PM20D1: variants seen among roughly 807,000 people sequenced by gnomAD.
The protein encoded by PM20D1 is N-fatty-acyl-amino acid synthase/hydrolase PM20D1.
Under a neutral mutation model 53.8 loss-of-function variants are expected in PM20D1, and 53 were observed. That is an observed-to-expected ratio of 0.98 (90% CI 0.79 to 1.24). The LOEUF (loss-of-function observed/expected upper bound fraction) is 1.24, where lower values mean the gene tolerates loss of function less well. Ranked by LOEUF, PM20D1 falls within the 50% of genes most tolerant of loss-of-function variation. The pLI is 0.00. For missense variants in PM20D1, 564 were observed against 616.8 expected, an observed-to-expected ratio of 0.91 and a Z score of 0.91; for synonymous variants, 239 against 241.3, an observed-to-expected ratio of 0.99 and a Z score of 0.09.
At position 205,832,646 on chromosome 1, in the gene PM20D1, G is replaced by A. The variant is rs1052964631; in HGVS notation, c.1237C>T (p.Arg413Cys). The change falls in exon 11 of 13, where the codon CGC becomes TGC. Residue 413 changes from arginine to cysteine, a missense_variant. Coordinates refer to ENST00000367136, the MANE Select transcript of PM20D1 (RefSeq NM_152491.5). Reference sequence around the variant, plus strand: ...GGGAAGACGGACTGTACGGTCTGGCGGAGCAGCTGGTAGCCCAAGGCCTTG... The same window carrying A: ...GGGAAGACGGACTGTACGGTCTGGCAGAGCAGCTGGTAGCCCAAGGCCTTG... ...DDKALGYQLL[R>C]QTVQSVFPEV... 7.4e-6 allele frequency: 12 copies of A among 1,614,036 alleles called. No homozygotes were observed. Among genetic ancestry groups the A allele is most frequent in the African/African-American group, 2.7e-5 (2 of 74,922 alleles).
At position 205,842,160 on chromosome 1, in the gene PM20D1, A is replaced by G. The variant is rs946461606; in HGVS notation, c.959T>C (p.Ile320Thr). Residue 320 changes from isoleucine to threonine, a missense_variant, in exon 8 of 13, where the codon ATA becomes ACA. By Grantham distance (89) the Ile-to-Thr change is moderately conservative. Coordinates refer to ENST00000367136, the MANE Select transcript of PM20D1 (RefSeq NM_152491.5). ...LSNPWLFEPL[I>T]SRFMERNPLT... ...AGGAAAGATAATACTTTACCTGCTT[A>G]TAAGTGGTTCAAATAGCCATGGGTT... 6.2e-7 allele frequency: 1 copy of G among 1,610,824 alleles called. No individual in the cohort carries two copies. Among genetic ancestry groups the G allele is most frequent in the Non-Finnish European group, 8.5e-7 (1 of 1,177,000 alleles).
chr1:205,845,256 G>A (rs925754554), intron 3 of PM20D1, 69 bp downstream of exon 3: 2 of 1,476,144 alleles, frequency 1.4e-6, no homozygotes, highest in South Asian at 2.3e-5. Flanking sequence ...ACCTCCCAGG[G>A]TCAGCCAAGC....
At chr1:205,830,618 A>C (rs116127536) in intron 11 of PM20D1, among the ~76,000 whole-genome samples, 1,643 of 150,588 alleles carry the variant, frequency 0.011, 31 homozygotes, top group African/African-American at 0.037. Flanking sequence ...GGGATGTCTC[A>C]CCAATGCCCT....
At chr1:205,835,651 CAAAAAAAAAAAAA>C (rs59126866) in intron 10 of PM20D1, among the ~76,000 whole-genome samples, 3 of 55,566 alleles carry the variant, frequency 5.4e-5, no homozygotes, top group Non-Finnish European at 8.9e-5. Flanking sequence ...GACTCCGACT[CAAAAAAAAAAAAA>C]AAAAAAAAAA....
intron 10 of PM20D1, among the ~76,000 whole-genome samples, chr1:205,835,839 G>A (rs560498882): frequency 6.6e-6 from 1 of 152,102 alleles, no homozygotes; most frequent in South Asian, 2.1e-4. Context: ...CCTCAAAGGT[G>A]ACTTTAGAGC....
intron 11 of PM20D1, 87 bp from the exon 12 acceptor site, chr1:205,830,466 A>T: frequency 1.1e-6 from 1 of 890,998 alleles, no homozygotes; most frequent in Non-Finnish European, 1.9e-6. Flanking sequence ...CTGGAAAATC[A>T]GGACTACTGG....
intron 10 of PM20D1, among the ~76,000 whole-genome samples, chr1:205,838,018 C>T (rs1656720881): frequency 6.6e-6 from 1 of 152,066 alleles, no homozygotes; most frequent in Non-Finnish European, 1.5e-5. Context: ...CCCCTCAATG[C>T]TGGGTGGCTC....
At chr1:205,847,006 C>CTTTT (rs778538865) in intron 2 of PM20D1, among the ~76,000 whole-genome samples, 35 of 44,666 alleles carry the variant, frequency 7.8e-4, no homozygotes, top group East Asian at 3.1e-3. Flanking sequence ...TCCTTCCTTT[C>CTTTT]TTTTTTTTTT....
At chr1:205,840,198 G>A in intron 10 of PM20D1, 54 bp downstream of exon 10, 3 of 1,532,678 alleles carry the variant, frequency 2.0e-6, no homozygotes, top group Non-Finnish European at 2.7e-6. Context: ...GGGCCCTGAG[G>A]GCCACATCTC....
Position 205,838,490 on chromosome 1 carries a change from G to A in PM20D1, c.1116+1762C>T, listed in dbSNP as rs543474995. Among the ~76,000 whole-genome samples the A allele has an allele frequency of 6.6e-5, 10 of 152,192 alleles. No homozygotes were observed. The South Asian group carries it at 1.5e-3, about 22-fold the overall frequency. On this transcript the variant is annotated intron_variant, in intron 10 of 12. Coordinates refer to ENST00000367136, the MANE Select transcript of PM20D1 (RefSeq NM_152491.5). ...GTTCCTCTTCATTATAGCACTCATC[G>A]TGGTTTGCAATTATACATTCATTTT... is the stretch of plus-strand genomic sequence containing the variant.
At chr1:205,831,720 C>T (rs1214782273) in intron 11 of PM20D1, among the ~76,000 whole-genome samples, 3 of 151,942 alleles carry the variant, frequency 2.0e-5, no homozygotes, top group Non-Finnish European at 2.9e-5. Context: ...TGAGCTACCA[C>T]GCCCAGCTAA....
At position 205,849,918 on chromosome 1, in the gene PM20D1, T is replaced by TAG. The variant is rs746756892; in HGVS notation, c.154_155insCT (p.Lys52ThrfsTer5). 41 of 1,612,722 alleles carry TAG rather than the reference T, an allele frequency of 2.5e-5. No homozygotes were observed. In the African/African-American group the frequency reaches 3.6e-4, roughly 14 times the overall value. Reference sequence around the variant, plus strand: ...CCCGGGTTCACCTTTCAGCGCCTCTTTCATCGCGACGCGTTCCTCTTTGCT... The same window carrying TAG: ...CCCGGGTTCACCTTTCAGCGCCTCTTAGTCATCGCGACGCGTTCCTCTTTGCT... On this transcript the variant is annotated frameshift_variant, in exon 1 of 13. Coordinates refer to ENST00000367136, the MANE Select transcript of PM20D1 (RefSeq NM_152491.5). LOFTEE classifies it high-confidence loss of function.
At position 205,840,563 on chromosome 1, in the gene PM20D1, G is replaced by A. The variant is rs544666919; in HGVS notation, c.1045-240C>T. On this transcript the variant is annotated intron_variant, in intron 9 of 12. Transcript: ENST00000367136. Reference sequence around the variant, plus strand: ...TTCCTGCTTCTTGGTGCTGCAGGGGGTCACAGAGATGTTCAGAGCAAGGCT... The same window carrying A: ...TTCCTGCTTCTTGGTGCTGCAGGGGATCACAGAGATGTTCAGAGCAAGGCT... Among the ~76,000 whole-genome samples the A allele has an allele frequency of 2.0e-3, 299 of 152,322 alleles. 1 individual carries two copies. Among genetic ancestry groups the A allele is most frequent in the Non-Finnish European group, 3.6e-3 (245 of 68,026 alleles).
At chr1:205,844,497 C>T (rs1439718141) in intron 4 of PM20D1, among the ~76,000 whole-genome samples, 3 of 152,204 alleles carry the variant, frequency 2.0e-5, no homozygotes, top group Admixed American at 6.5e-5. Context: ...GGAAATAAAA[C>T]GCAGTCATCA....
At chr1:205,835,306 G>A (rs1364884452) in intron 10 of PM20D1, among the ~76,000 whole-genome samples, 1 of 152,210 alleles carries the variant, frequency 6.6e-6, no homozygotes, top group African/African-American at 2.4e-5. Flanking sequence ...ACTCACAGTT[G>A]TATGACCTTG....
At chr1:205,832,830 T>C in intron 10 of PM20D1, 64 bp from the exon 11 acceptor site, 1 of 1,465,746 alleles carries the variant, frequency 6.8e-7, no homozygotes, top group Middle Eastern at 1.8e-4. Context: ...CAATATGGGC[T>C]TAAATATCCT....
At chr1:205,842,536 G>T in intron 7 of PM20D1, 140 bp downstream of exon 7, 1 of 828,946 alleles carries the variant, frequency 1.2e-6, no homozygotes, top group Non-Finnish European at 1.9e-6. Flanking sequence ...CCTGTGTCTT[G>T]GCTCAGCCAC....
chr1:205,835,020 C>T (rs1303834886), intron 10 of PM20D1, among the ~76,000 whole-genome samples: 3 of 152,178 alleles, frequency 2.0e-5, no homozygotes, highest in Non-Finnish European at 4.4e-5. Flanking sequence ...AAATAACTTG[C>T]CATGGGTTAT....
chr1:205,849,894 C>A lies in PM20D1; in HGVS notation c.169+10G>T. On this transcript the variant is annotated intron_variant, in intron 1 of 12. Coordinates refer to ENST00000367136, the MANE Select transcript of PM20D1 (RefSeq NM_152491.5). ...ATGAGCATAGGTGGGTGAAGGGGAC[C>A]CGGGTTCACCTTTCAGCGCCTCTTT... 6.2e-7 allele frequency: 1 copy of A among 1,607,514 alleles called. No individual in the cohort carries two copies. Among genetic ancestry groups the A allele is most frequent in the Non-Finnish European group, 8.5e-7 (1 of 1,175,542 alleles).
Sources: gnomAD v4.1 joint callset for allele counts (sites outside exome capture counted in the v4.1 genomes callset) on GRCh38, gnomAD v4.1.1 for gene constraint, MANE v1.5 for transcripts, NCBI Gene and HGNC (gene_info 2026-07-23, HGNC 2026-07-21) for gene names.